SAXO1: variants seen among roughly 807,000 people sequenced by gnomAD.
SAXO1 encodes 4930500O09Rik.
SAXO1 carries 21 observed loss-of-function variants against 17.5 expected under a neutral mutation model. The ratio of observed to expected loss-of-function variants is 1.20; its 90% confidence interval spans 0.85 to 1.72. The LOEUF is 1.72. SAXO1 is among the 40% of genes most tolerant of loss of function. SAXO1 has a pLI of 0.00. For synonymous variants in SAXO1, 274 were observed against 216.5 expected (o/e 1.27, Z -2.33); for missense variants, 843 against 596.0 (o/e 1.41, Z -4.32).
At chr9:19,018,570 G>C (rs566314041) in intron 1 of SAXO1, among the ~76,000 whole-genome samples, 7 of 152,166 alleles carry the variant, frequency 4.6e-5, no homozygotes, top group Non-Finnish European at 1.0e-4. Context: ...ATTGCTTCAC[G>C]TCATGGCTAG....
At chr9:18,943,640 G>A (rs1281396076) in intron 2 of SAXO1, among the ~76,000 whole-genome samples, 1 of 152,210 alleles carries the variant, frequency 6.6e-6, no homozygotes, top group Non-Finnish European at 1.5e-5. Flanking sequence ...TCTCAGAAGG[G>A]ATGGACAGGT....
At chr9:18,958,932 T>C (rs960067706) in intron 1 of SAXO1, among the ~76,000 whole-genome samples, 6 of 152,112 alleles carry the variant, frequency 3.9e-5, no homozygotes, top group Non-Finnish European at 5.9e-5. Flanking sequence ...AATAAGTTTC[T>C]GGGGGAAAAA....
Position 18,928,480 on chromosome 9 carries a change from G to C in SAXO1, c.997C>G (p.Arg333Gly), listed in dbSNP as rs550894327. ...TTGGTGGTGGAAGAGCCTTCAAAGC[G>C]ACCGCACTTCTTAATCTGAAGTGCA... ...RPALQIKKCG[R>G]FEGSSTTKDD... Residue 333 changes from arginine to glycine, a missense_variant, in exon 4 of 4, where the codon CGC becomes GGC. Transcript: ENST00000380534. 1 of 1,613,260 alleles carries C rather than the reference G, an allele frequency of 6.2e-7. No homozygotes were observed. Among genetic ancestry groups the C allele is most frequent in the South Asian group, 1.1e-5 (1 of 90,910 alleles).
chr9:19,026,804 G>A (rs1003777214), intron 1 of SAXO1: 5 of 503,986 alleles, frequency 9.9e-6, no homozygotes, highest in Non-Finnish European at 1.9e-5. Flanking sequence ...GCTGAGGTGG[G>A]TGGATCACAA....
intron 1 of SAXO1, among the ~76,000 whole-genome samples, chr9:19,029,372 T>A (rs1835656472): frequency 1.3e-5 from 2 of 152,142 alleles, no homozygotes; most frequent in South Asian, 4.1e-4. Context: ...AGAGAACCAG[T>A]GACTCACTCA....
chr9:19,022,032 A>G (rs1466690362), intron 1 of SAXO1, among the ~76,000 whole-genome samples: 2 of 152,242 alleles, frequency 1.3e-5, no homozygotes, highest in Non-Finnish European at 2.9e-5. Context: ...TGCTCTTCAC[A>G]ATAAATCTTG....
chr9:18,933,811 C>T (rs561135449), intron 3 of SAXO1, among the ~76,000 whole-genome samples: 2 of 152,160 alleles, frequency 1.3e-5, no homozygotes, highest in Non-Finnish European at 2.9e-5. Context: ...CTTTGGGAGG[C>T]CAAGGTGGGC....
In SAXO1 at chr9:18,939,863, T is replaced by C. The variant is rs147916850; in HGVS notation, c.421+1774A>G. On this transcript the variant is annotated intron_variant, in intron 3 of 3. Transcript: ENST00000380534. ...TCAAATGATTATCTGAGGAGTTTTA[T>C]ACAAAGGAGTGGTCAGATCAGATTG... Among the ~76,000 whole-genome samples, 564 of 152,370 alleles carry C rather than the reference T, an allele frequency of 3.7e-3. 7 individuals are homozygous for C. The highest frequency in any genetic ancestry group is 0.013 in the African/African-American group (531 of 41,590).
At chr9:18,929,794 G>A (rs1830958114) in intron 3 of SAXO1, among the ~76,000 whole-genome samples, 1 of 152,210 alleles carries the variant, frequency 6.6e-6, no homozygotes, top group Non-Finnish European at 1.5e-5. Context: ...ATTTGTCCCA[G>A]CTCACTTGGC....
intron 1 of SAXO1, among the ~76,000 whole-genome samples, chr9:19,018,832 G>A (rs753291534): frequency 2.0e-5 from 3 of 152,156 alleles, no homozygotes; most frequent in South Asian, 2.1e-4. Flanking sequence ...TTCTTATGCC[G>A]GGCATGGTGG....
At chr9:18,955,444 T>G (rs1010474265) in intron 1 of SAXO1, among the ~76,000 whole-genome samples, 1 of 152,210 alleles carries the variant, frequency 6.6e-6, no homozygotes, top group South Asian at 2.1e-4. Flanking sequence ...GTGGCTTCCC[T>G]ATTGGAAAGT....
At chr9:19,004,318 C>T (rs1834403583) in intron 1 of SAXO1, among the ~76,000 whole-genome samples, 1 of 152,290 alleles carries the variant, frequency 6.6e-6, no homozygotes, top group East Asian at 1.9e-4. Context: ...TTGTGGAAGA[C>T]AGTGTGGTGA....
chr9:18,962,255 T>A (rs6475280), intron 1 of SAXO1, among the ~76,000 whole-genome samples: 142,285 of 152,182 alleles, frequency 0.93, 66,604 homozygotes, highest in East Asian at 1. Flanking sequence ...TTTAGTAGAG[T>A]CGGGGTTTCT....
intron 1 of SAXO1, among the ~76,000 whole-genome samples, chr9:18,976,520 T>A (rs1024169914): frequency 2.0e-5 from 3 of 152,208 alleles, no homozygotes; most frequent in African/African-American, 7.2e-5. Flanking sequence ...CATTCTGCTT[T>A]AAGATGCTGA....
intron 1 of SAXO1, chr9:19,027,488 G>A (rs187726113): frequency 3.7e-5 from 30 of 816,504 alleles, no homozygotes; most frequent in South Asian, 2.2e-4. Context: ...GAGAACTTGC[G>A]GATCCAACAT....
chr9:19,018,609 T>C (rs760887889), intron 1 of SAXO1, among the ~76,000 whole-genome samples: 4 of 152,176 alleles, frequency 2.6e-5, no homozygotes, highest in Non-Finnish European at 5.9e-5. Context: ...AAAAGCCTCC[T>C]TAACATGAAC....
chr9:19,012,397 A>G (rs181178427), intron 1 of SAXO1, among the ~76,000 whole-genome samples: 94 of 152,386 alleles, frequency 6.2e-4, no homozygotes, highest in African/African-American at 2.2e-3. Flanking sequence ...TTAGGTCTGA[A>G]TTATTAAAAT....
chr9:18,958,686 C>G (rs1030466454), intron 1 of SAXO1, among the ~76,000 whole-genome samples: 1 of 151,872 alleles, frequency 6.6e-6, no homozygotes, highest in Non-Finnish European at 1.5e-5. Context: ...CCACGCCAGC[C>G]AAAACGCTGG....
At chr9:18,973,442 A>C (rs1833025177) in intron 1 of SAXO1, among the ~76,000 whole-genome samples, 2 of 152,248 alleles carry the variant, frequency 1.3e-5, no homozygotes, top group Non-Finnish European at 2.9e-5. Context: ...ACATAGGTAG[A>C]TAGGAATGAT....
Sources: gnomAD v4.1 joint callset for allele counts (sites outside exome capture counted in the v4.1 genomes callset) on GRCh38, gnomAD v4.1.1 for gene constraint, MANE v1.5 for transcripts, NCBI Gene and HGNC (gene_info 2026-07-23, HGNC 2026-07-21) for gene names.